The following KLHL25 variants were observed in gnomAD, a reference collection of about 807,000 sequenced individuals.
The protein encoded by KLHL25 is kelch like family member 25.
A neutral mutation model predicts 30.0 loss-of-function variants in KLHL25; 41 were observed. That is an observed-to-expected ratio of 1.37 (90% confidence interval 1.07 to 1.78). KLHL25 has a LOEUF of 1.78. Ranked by LOEUF, KLHL25 falls within the 40% of genes most tolerant of loss-of-function variation. The probability of loss-of-function intolerance (pLI) is 0.00; values close to 1 mark genes in which losing one functional copy is unlikely to be tolerated. For synonymous variants in KLHL25, 399 were observed against 355.3 expected (o/e 1.12, Z -1.38); for missense variants, 971 against 824.5 (o/e 1.18, Z -2.18).
rs894154930 is a variant in KLHL25, at chr15:85,786,321, G to C, written c.-11+8445C>G. Among the ~76,000 whole-genome samples, 4 of 152,174 alleles carry C rather than the reference G, an allele frequency of 2.6e-5. No individual in the cohort carries two copies. The South Asian group carries it at 8.3e-4, about 32-fold the overall frequency. ...ATCTCCAGGGCAGCAGGGGAGTCAT[G>C]GCCAAACCTGGATGTTGCTTCCTGA... On this transcript the variant is annotated intron_variant, in intron 1 of 2. Coordinates refer to ENST00000337975, the MANE Select transcript of KLHL25 (RefSeq NM_022480.4).
At chr15:85,775,805 G>T (rs1313780983) in intron 1 of KLHL25, among the ~76,000 whole-genome samples, 4 of 150,884 alleles carry the variant, frequency 2.7e-5, no homozygotes, top group Admixed American at 1.3e-4. Flanking sequence ...CAGAGGCTGT[G>T]GGGGCAGCAA....
intron 1 of KLHL25, among the ~76,000 whole-genome samples, chr15:85,792,711 T>TA (rs2089825958): frequency 6.6e-6 from 1 of 152,184 alleles, no homozygotes; most frequent in Non-Finnish European, 1.5e-5. Flanking sequence ...GAATTGGGCC[T>TA]CTGGGAGAAG....
intron 1 of KLHL25, among the ~76,000 whole-genome samples, chr15:85,776,937 T>TA (rs753017616): frequency 6.8e-6 from 1 of 147,060 alleles, no homozygotes; most frequent in Non-Finnish European, 1.5e-5. Flanking sequence ...AAAAAATAAA[T>TA]AAATAAATAA....
intron 1 of KLHL25, among the ~76,000 whole-genome samples, chr15:85,774,849 C>T (rs1031515088): frequency 6.6e-6 from 1 of 151,836 alleles, no homozygotes; most frequent in African/African-American, 2.4e-5. Flanking sequence ...AACCCCTCCC[C>T]ACTCCCGCAG....
intron 2 of KLHL25, chr15:85,761,796 C>T (rs1425229586): frequency 6.6e-6 from 1 of 152,254 alleles, no homozygotes; most frequent in African/African-American, 2.4e-5. Flanking sequence ...GGCAAGGAGC[C>T]TCAGCAAAGC....
In KLHL25 at chr15:85,768,198, T is replaced by A; in HGVS notation, c.1613A>T (p.Asn538Ile). Residue 538 changes from asparagine (N) to isoleucine (I), a missense_variant, in exon 2 of 3, where the codon AAC becomes ATC. Asn to Ile is a moderately radical substitution (Grantham distance 149, BLOSUM62 -3). Transcript: ENST00000337975. ...GTAGCCCCCGACCACATAGAGCTTG[T>A]TGCCGGAAGCCAGGGCATGGCAGGA... is the stretch of plus-strand genomic sequence containing the variant. ...RMSCHALASGNKLYVVGGYFG... is the reference protein window; with the variant it reads ...RMSCHALASGIKLYVVGGYFG... 1 of 1,614,234 alleles carries A rather than the reference T, an allele frequency of 6.2e-7. No homozygotes were observed. The highest frequency in any genetic ancestry group is 2.2e-5 in the East Asian group (1 of 44,884).
At position 85,769,421 on chromosome 15, in the gene KLHL25, G is replaced by A. The variant is rs766148345; in HGVS notation, c.390C>T (p.His130=). 3.0e-5 allele frequency: 49 copies of A among 1,613,962 alleles called. No individual in the cohort carries two copies. The highest frequency in any genetic ancestry group is 4.1e-5 in the Non-Finnish European group (48 of 1,180,028). ...LLEAGDMLQF[H]DVRDAAAEFL... is the part of the protein sequence containing the mutation. Reference sequence around the variant, plus strand: ...ACTCGGCGGCAGCATCCCGCACATCGTGGAACTGCAGCATGTCGCCTGCCT... The same window carrying A: ...ACTCGGCGGCAGCATCCCGCACATCATGGAACTGCAGCATGTCGCCTGCCT... The change falls in exon 2 of 3, where the codon CAC becomes CAT. Residue 130 remains histidine (H), a synonymous_variant. Coordinates refer to ENST00000337975, the MANE Select transcript of KLHL25 (RefSeq NM_022480.4).
rs1597272544 is a variant in KLHL25 at position 85,768,367 on chromosome 15, A to C, written c.1444T>G (p.Trp482Gly). 2 of 1,613,678 alleles carry C rather than the reference A, an allele frequency of 1.2e-6. No homozygotes were observed. Among genetic ancestry groups the C allele is most frequent in the Admixed American group, 1.7e-5 (1 of 60,030 alleles). ...WTIKAECPQP[W>G]RYTAAAVLGS... ...AGGACGGCAGCGGCTGTGTACCGCC[A>C]AGGCTGGGGGCACTCGGCCTTGATC... Residue 482 changes from tryptophan to glycine, a missense_variant, in exon 2 of 3, where the codon TGG becomes GGG. By Grantham distance (184) the Trp-to-Gly change is radical (BLOSUM62 -2). Coordinates refer to ENST00000337975, the MANE Select transcript of KLHL25 (RefSeq NM_022480.4).
intron 2 of KLHL25, chr15:85,762,082 T>C (rs2089587215): frequency 6.6e-6 from 1 of 152,330 alleles, no homozygotes; most frequent in Non-Finnish European, 1.5e-5. Flanking sequence ...CCTCCCCACG[T>C]GCTCAAGTTG....
intron 2 of KLHL25, chr15:85,763,208 C>T (rs1420133691): frequency 6.6e-6 from 1 of 152,394 alleles, no homozygotes; most frequent in Non-Finnish European, 1.5e-5. Flanking sequence ...GGCTGTGGAT[C>T]CAACCGCAAC....
At chr15:85,787,538 T>C (rs1419040717) in intron 1 of KLHL25, among the ~76,000 whole-genome samples, 1 of 152,204 alleles carries the variant, frequency 6.6e-6, no homozygotes, top group Non-Finnish European at 1.5e-5. Context: ...CAAAGGGCAT[T>C]TGGCTTTGAC....
Position 85,768,414 on chromosome 15 carries a change from T to C in KLHL25, c.1397A>G (p.Asp466Gly). Residue 466 changes from aspartate to glycine, a missense_variant, in exon 2 of 3, where the codon GAC becomes GGC. Physicochemically the swap from Asp to Gly is moderately conservative, Grantham distance 94. Coordinates refer to ENST00000337975, the MANE Select transcript of KLHL25 (RefSeq NM_022480.4). Reference sequence around the variant, plus strand: ...GATCGTCCACCTGTTCTCCGAGGGGTCATAGCACTGGACCTTGGACACCAT... The same window carrying C: ...GATCGTCCACCTGTTCTCCGAGGGGCCATAGCACTGGACCTTGGACACCAT... Reference protein sequence around the residue: ...RDMVSKVQCYDPSENRWTIKA... With the variant: ...RDMVSKVQCYGPSENRWTIKA... The C allele has an allele frequency of 6.2e-7, 1 of 1,613,378 alleles. No homozygotes were observed. Among genetic ancestry groups the C allele is most frequent in the East Asian group, 2.2e-5 (1 of 44,834 alleles).
At chr15:85,767,745 G>A (rs1234701760) in intron 2 of KLHL25, among the ~76,000 whole-genome samples, 1 of 152,174 alleles carries the variant, frequency 6.6e-6, no homozygotes, top group Non-Finnish European at 1.5e-5. Context: ...AGGTCCCTGG[G>A]TGATTCTGAA....
intron 1 of KLHL25, among the ~76,000 whole-genome samples, chr15:85,779,045 A>ATTTTT (rs35309594): frequency 7.0e-6 from 1 of 141,880 alleles, no homozygotes; most frequent in African/African-American, 2.6e-5. Flanking sequence ...CTCACCAACA[A>ATTTTT]TTTTTTTTTT....
At chr15:85,790,293 G>C (rs1309359003) in intron 1 of KLHL25, among the ~76,000 whole-genome samples, 1 of 152,152 alleles carries the variant, frequency 6.6e-6, no homozygotes, top group Non-Finnish European at 1.5e-5. Context: ...TCTCCATGTT[G>C]GTCAGGCTGG....
intron 1 of KLHL25, among the ~76,000 whole-genome samples, 173 bp from the exon 2 acceptor site, chr15:85,769,993 T>G (rs545511064): frequency 8.3e-4 from 126 of 152,196 alleles, no homozygotes; most frequent in African/African-American, 2.9e-3. Flanking sequence ...CAGGCAAGAG[T>G]GGCTGGGTCT....
At chr15:85,788,412 T>C (rs1336674946) in intron 1 of KLHL25, among the ~76,000 whole-genome samples, 5 of 152,202 alleles carry the variant, frequency 3.3e-5, no homozygotes, top group Admixed American at 3.3e-4. Flanking sequence ...CATATTTTTG[T>C]CAGTCTGTTG....
rs747987521 is a variant in KLHL25, at chr15:85,769,733, G to A, written c.78C>T (p.Ala26=). The A allele has an allele frequency of 3.7e-6, 6 of 1,613,718 alleles. No individual in the cohort carries two copies. The highest frequency in any genetic ancestry group is 5.1e-6 in the Non-Finnish European group (6 of 1,180,056). ...GSMNVTLFHK[A]SHPDCVLAHL... is the part of the protein sequence containing the mutation. ...GGGCCAGCACACAGTCCGGGTGGGA[G>A]GCCTTGTGGAAGAGGGTGACGTTCA... The change falls in exon 2 of 3, where the codon GCC becomes GCT. Residue 26 remains alanine (A), a synonymous_variant. Transcript: ENST00000337975.
chr15:85,789,696 C>A lies in KLHL25; in HGVS notation c.-11+5070G>T, dbSNP rs574288520. Among the ~76,000 whole-genome samples, 1 of 152,284 alleles carries A rather than the reference C, an allele frequency of 6.6e-6. No homozygotes were observed. The highest frequency in any genetic ancestry group is 1.9e-4 in the East Asian group (1 of 5,176). On this transcript the variant is annotated intron_variant, in intron 1 of 2. Transcript: ENST00000337975. This position sits in a 1 kb window ranked among gnomAD's most constrained non-coding sequence, Gnocchi z 4.1. ...GTCATCCTGGTGCTCCCACGAACTGCTGCCCAGCTCCCTGCCCACGACCAG... is the reference window on the plus strand; with the variant it reads ...GTCATCCTGGTGCTCCCACGAACTGATGCCCAGCTCCCTGCCCACGACCAG...
Sources: allele counts gnomAD v4.1 joint callset (sites outside exome capture counted in the v4.1 genomes callset), GRCh38; gene constraint gnomAD v4.1.1; non-coding constraint Gnocchi (gnomAD v3.1); transcripts MANE v1.5; gene names NCBI Gene and HGNC (gene_info 2026-07-23, HGNC 2026-07-21).